Variants in UBAP2 observed in about 807,000 individuals in gnomAD.
UBAP2 encodes ubiquitin-associated protein 2.
Under a neutral mutation model 139.6 loss-of-function variants are expected in UBAP2, and 75 were observed. That is an observed-to-expected ratio of 0.54 (90% CI 0.45 to 0.65). UBAP2 has a LOEUF of 0.65. Among genes scored for constraint, UBAP2 ranks in the 30% least tolerant of loss-of-function variants. The pLI is 0.00. For missense variants in UBAP2, 1,368 were observed against 1,369.6 expected (o/e 1.00, Z 0.02); for synonymous variants, 526 against 526.2 (o/e 1.00, Z 0.01).
Position 34,035,514 on chromosome 9 carries a change from A to AAAAAAAATATATATATAT in UBAP2, c.-42+13310_-42+13311insATATATATATATTTTTTT. Among the ~76,000 whole-genome samples, 67 of 22,488 alleles carry AAAAAAAATATATATATAT rather than the reference A, an allele frequency of 3.0e-3. 4 individuals carry two copies. The highest frequency in any genetic ancestry group is 5.2e-3 in the Non-Finnish European group (53 of 10,248). The allele number at this position is 22,488 out of a possible 152,430, so 14.8% of individuals were successfully genotyped here. A position where few individuals can be genotyped will look rare whatever the true frequency, so the allele number is the denominator to read the frequency against. On this transcript the variant is annotated intron_variant, in intron 1 of 28. Transcript: ENST00000379238. ...GAGACTCCATCTAAAAAAAAAAAAA[A>AAAAAAAATATATATATAT]ATATATATATATAAAGATTAGCCAG...
intron 1 of UBAP2, among the ~76,000 whole-genome samples, chr9:34,043,035 T>TC (rs1827234519): frequency 6.6e-6 from 1 of 151,530 alleles, no homozygotes; most frequent in Non-Finnish European, 1.5e-5. Context: ...GCCAAGACAC[T>TC]CCATCCTGGG....
At chr9:33,991,303 AAAT>A (rs60216977) in intron 4 of UBAP2, among the ~76,000 whole-genome samples, 22 of 151,356 alleles carry the variant, frequency 1.5e-4, no homozygotes, top group African/African-American at 4.9e-4. Flanking sequence ...TCTGTATCAA[AAAT>A]AATAATAATA....
chr9:33,953,254 A>C (rs755240648), intron 12 of UBAP2, 31 bp downstream of exon 12: 4 of 1,588,962 alleles, frequency 2.5e-6, no homozygotes, highest in Non-Finnish European at 3.4e-6. Context: ...TATATTTCTT[A>C]AAATCCCACA....
chr9:33,938,929 C>A (rs771852773), intron 16 of UBAP2: 1 of 454,646 alleles, frequency 2.2e-6, no homozygotes, highest in South Asian at 1.6e-5. Flanking sequence ...TAATTTTAAT[C>A]TGTGGATATT....
At chr9:33,944,023 ACTACT>A (rs966559880) in intron 14 of UBAP2, among the ~76,000 whole-genome samples, 2 of 152,140 alleles carry the variant, frequency 1.3e-5, no homozygotes, top group African/African-American at 4.8e-5. Flanking sequence ...CACTGAGCTG[ACTACT>A]CTATTTTTGG....
chr9:33,962,296 T>G (rs1329625636), intron 9 of UBAP2, among the ~76,000 whole-genome samples: 1 of 152,182 alleles, frequency 6.6e-6, no homozygotes, highest in African/African-American at 2.4e-5. Context: ...TAAAACAGAC[T>G]TTTATACATG....
At position 33,951,214 on chromosome 9, in the gene UBAP2, C is replaced by T. The variant is rs146325781; in HGVS notation, c.1056+2071G>A. ...ATTTTATTTTAGCAAGATGAGGCCT[C>T]GCTATGTTGCCAGACTGGTCTCAAA... On this transcript the variant is annotated intron_variant, in intron 12 of 28. Transcript: ENST00000379238. Among the ~76,000 whole-genome samples, 15 of 151,928 alleles carry T rather than the reference C, an allele frequency of 9.9e-5. No homozygotes were observed. The East Asian group carries it at 2.9e-3, about 29-fold the overall frequency.
At chr9:33,993,814 G>A (rs1256685588) in intron 4 of UBAP2, among the ~76,000 whole-genome samples, 1 of 151,874 alleles carries the variant, frequency 6.6e-6, no homozygotes, top group Non-Finnish European at 1.5e-5. Flanking sequence ...AAGAAAACAA[G>A]AAGTCAGATA....
chr9:34,015,055 G>A (rs1824128895), intron 2 of UBAP2, among the ~76,000 whole-genome samples: 1 of 152,164 alleles, frequency 6.6e-6, no homozygotes, highest in African/African-American at 2.4e-5. Flanking sequence ...CAGGGCACTT[G>A]GGTATAAATG....
intron 1 of UBAP2, among the ~76,000 whole-genome samples, chr9:34,035,896 C>CT (rs11291703): frequency 1.5e-3 from 220 of 148,694 alleles, no homozygotes; most frequent in South Asian, 6.0e-3. Context: ...CACATTCTCT[C>CT]TTTTTTTTTT....
At chr9:34,008,319 A>AAC (rs1823420175) in intron 2 of UBAP2, among the ~76,000 whole-genome samples, 1 of 31,760 alleles carries the variant, frequency 3.1e-5, no homozygotes, top group African/African-American at 2.8e-4. Context: ...ACTCCGTCTC[A>AAC]AAAAAAAAAA....
At chr9:33,942,719 C>G (rs887025071) in intron 15 of UBAP2, among the ~76,000 whole-genome samples, 13 of 140,320 alleles carry the variant, frequency 9.3e-5, no homozygotes, top group African/African-American at 3.5e-4. Flanking sequence ...CAGAGCAAGA[C>G]CCTATCTCAA....
intron 2 of UBAP2, among the ~76,000 whole-genome samples, chr9:34,005,133 C>T (rs915476157): frequency 2.0e-5 from 3 of 151,758 alleles, no homozygotes; most frequent in Non-Finnish European, 4.4e-5. Flanking sequence ...CGTGGTGGCA[C>T]GAGCCTGAAA....
At chr9:33,984,048 C>A (rs774999663) in intron 6 of UBAP2, among the ~76,000 whole-genome samples, 9 of 152,040 alleles carry the variant, frequency 5.9e-5, no homozygotes, top group Admixed American at 2.0e-4. Flanking sequence ...GAACTACAGG[C>A]ACACACCACC....
At chr9:34,034,565 C>G (rs568248528) in intron 1 of UBAP2, among the ~76,000 whole-genome samples, 10 of 152,266 alleles carry the variant, frequency 6.6e-5, no homozygotes, top group African/African-American at 2.2e-4. Flanking sequence ...TACCCCACAT[C>G]CTTATATGTC....
intron 8 of UBAP2, among the ~76,000 whole-genome samples, chr9:33,970,788 T>C (rs1433600971): frequency 1.3e-5 from 2 of 152,234 alleles, no homozygotes; most frequent in East Asian, 1.9e-4. Context: ...TGTTAAATTA[T>C]GTTTCTGTTT....
intron 1 of UBAP2, among the ~76,000 whole-genome samples, chr9:34,047,443 C>T (rs1827706841): frequency 6.6e-6 from 1 of 152,040 alleles, no homozygotes; most frequent in African/African-American, 2.4e-5. Flanking sequence ...AAGGGGAACA[C>T]ACCAATGTAG....
At chr9:33,992,496 G>A (rs914316162) in intron 4 of UBAP2, among the ~76,000 whole-genome samples, 1 of 151,894 alleles carries the variant, frequency 6.6e-6, no homozygotes, top group Non-Finnish European at 1.5e-5. Flanking sequence ...GGAGGCAGAG[G>A]TTGCAGTGAG....
intron 1 of UBAP2, among the ~76,000 whole-genome samples, chr9:34,024,200 G>A (rs1825209690): frequency 6.6e-6 from 1 of 151,938 alleles, no homozygotes; most frequent in Non-Finnish European, 1.5e-5. Context: ...AAATTAGCCG[G>A]GCGTGGGGGC....
Sources: gnomAD v4.1 joint callset for allele counts (sites outside exome capture counted in the v4.1 genomes callset) on GRCh38, gnomAD v4.1.1 for gene constraint, MANE v1.5 for transcripts, NCBI Gene and HGNC (gene_info 2026-07-23, HGNC 2026-07-21) for gene names.